Variants in PJA2 observed in about 807,000 individuals in gnomAD.
The protein encoded by PJA2 is E3 ubiquitin-protein ligase Praja-2.
In PJA2, 25 loss-of-function variants were observed where a neutral mutation model predicts 69.3. That is an observed-to-expected ratio of 0.36 (90% CI 0.26 to 0.50). The LOEUF is 0.50. Ranked by LOEUF, PJA2 falls within the 20% of genes least tolerant of loss-of-function variation. PJA2 has a pLI of 0.96. For missense variants in PJA2, 809 were observed against 830.2 expected, an observed-to-expected ratio of 0.97 and a Z score of 0.31; for synonymous variants, 308 against 277.8, an observed-to-expected ratio of 1.11 and a Z score of -1.08.
At position 109,336,550 on chromosome 5, in the gene PJA2, AT is replaced by A. The variant is rs1761948649; in HGVS notation, c.*680del. 1 of 152,090 alleles carries A rather than the reference AT, an allele frequency of 6.6e-6. No individual in the cohort carries two copies. Among genetic ancestry groups the A allele is most frequent in the Non-Finnish European group, 1.5e-5 (1 of 68,026 alleles). 9.4% of individuals were successfully genotyped at this position (152,090 alleles called of 1,614,324 possible). On this transcript the variant is annotated 3_prime_UTR_variant, in exon 10 of 10. Coordinates refer to ENST00000361189, the MANE Select transcript of PJA2 (RefSeq NM_014819.5). ...GCCCTGAGCACACTAGATTCTTTGT[AT>A]GCTTTACTAACCTTACGTTAAGCAC...
At chr5:109,363,093 A>G (rs1283067638) in intron 5 of PJA2, 71 bp from the exon 6 acceptor site, 1 of 1,318,826 alleles carries the variant, frequency 7.6e-7, no homozygotes, top group Non-Finnish European at 1.0e-6. Flanking sequence ...CTTTAATTCT[A>G]TTCCATGCAA....
At chr5:109,381,209 A>G (rs1031420082) in intron 3 of PJA2, among the ~76,000 whole-genome samples, 1 of 152,158 alleles carries the variant, frequency 6.6e-6, no homozygotes, top group East Asian at 1.9e-4. Context: ...ATTTCAAAAT[A>G]TATCTTTTTG....
At position 109,336,773 on chromosome 5, in the gene PJA2, A is replaced by G. The variant is rs747769600; in HGVS notation, c.*458T>C. 6.6e-6 allele frequency: 1 copy of G among 152,406 alleles called. No homozygotes were observed. The highest frequency in any genetic ancestry group is 1.5e-5 in the Non-Finnish European group (1 of 68,208). 9.4% of individuals were successfully genotyped at this position (152,406 alleles called of 1,614,324 possible). On this transcript the variant is annotated 3_prime_UTR_variant, in exon 10 of 10. Transcript: ENST00000361189. ...AACCAAGAGGTTATGATATAGCAAA[A>G]TCAAAGGGACTAGTGAAAAAGCATA... is the stretch of plus-strand genomic sequence containing the variant.
rs114734958 is a variant in PJA2 at position 109,334,775 on chromosome 5, G to C, written c.*2456C>G. 0.031 allele frequency: 4,651 copies of C among 152,364 alleles called. 96 individuals carry two copies. The highest frequency in any genetic ancestry group is 0.048 in the Middle Eastern group (14 of 294). 9.4% of individuals were successfully genotyped at this position (152,364 alleles called of 1,614,324 possible). A position where few individuals can be genotyped will look rare whatever the true frequency, so the allele number is the denominator to read the frequency against. ...GATTTACACAGAAAATGATGGGCTG[G>C]GGTTATAGAACAATAAACCAACCAT... is the stretch of plus-strand genomic sequence containing the variant. On this transcript the variant is annotated 3_prime_UTR_variant, in exon 10 of 10. Coordinates refer to ENST00000361189, the MANE Select transcript of PJA2 (RefSeq NM_014819.5).
At chr5:109,389,561 A>G (rs1747235738) in intron 1 of PJA2, among the ~76,000 whole-genome samples, 2 of 151,706 alleles carry the variant, frequency 1.3e-5, no homozygotes, top group South Asian at 2.1e-4. Context: ...ACAGGTTTTC[A>G]TTTTTTAAAA....
intron 5 of PJA2, among the ~76,000 whole-genome samples, chr5:109,365,331 A>C (rs1302109439): frequency 6.6e-6 from 1 of 152,230 alleles, no homozygotes; most frequent in Non-Finnish European, 1.5e-5. Flanking sequence ...AAAATGAATA[A>C]AGGAAATCTA....
Position 109,378,776 on chromosome 5 carries a change from T to C in PJA2, c.711A>G (p.Pro237=). Reference sequence around the variant, plus strand: ...TATCACCAGCAGAACTTTTCACTAATGGTACAGAATCTAACTCTTCAAACT... The same window carrying C: ...TATCACCAGCAGAACTTTTCACTAACGGTACAGAATCTAACTCTTCAAACT... ...RDEFEELDSV[P]LVKSSAGDTE... is the part of the protein sequence containing the mutation. Residue 237 remains proline, a synonymous_variant, in exon 4 of 10, where the codon CCA becomes CCG. Coordinates refer to ENST00000361189, the MANE Select transcript of PJA2 (RefSeq NM_014819.5). The C allele has an allele frequency of 1.2e-6, 2 of 1,612,570 alleles. No individual in the cohort carries two copies. Among genetic ancestry groups the C allele is most frequent in the Non-Finnish European group, 1.7e-6 (2 of 1,180,008 alleles).
At position 109,381,670 on chromosome 5, in the gene PJA2, G is replaced by A; in HGVS notation, c.65C>T (p.Pro22Leu). 2 of 1,613,784 alleles carry A rather than the reference G, an allele frequency of 1.2e-6. No individual in the cohort carries two copies. The highest frequency in any genetic ancestry group is 1.7e-6 in the Non-Finnish European group (2 of 1,179,974). Reference protein sequence around the residue: ...MDQESGKAVWPKPAGGYQTIT... With the variant: ...MDQESGKAVWLKPAGGYQTIT... ...TGTCTGATACCCTCCTGCTGGTTTG[G>A]GCCAGACAGCCTTACCAGATTCTTG... Residue 22 changes from proline to leucine, a missense_variant, in exon 3 of 10, where the codon CCC becomes CTC. Coordinates refer to ENST00000361189, the MANE Select transcript of PJA2 (RefSeq NM_014819.5).
At chr5:109,379,308 T>G in intron 3 of PJA2, 54 bp from the exon 4 acceptor site, 1 of 1,264,882 alleles carries the variant, frequency 7.9e-7, no homozygotes, top group Non-Finnish European at 1.1e-6. Context: ...AGATAAAATT[T>G]TATGTAATAA....
intron 4 of PJA2, among the ~76,000 whole-genome samples, chr5:109,373,337 C>A (rs1762708871): frequency 6.6e-6 from 1 of 152,010 alleles, no homozygotes; most frequent in East Asian, 1.9e-4. Flanking sequence ...GATGAAGTGT[C>A]AGAAATAACT....
chr5:109,368,268 G>A (rs1762618663), intron 5 of PJA2, among the ~76,000 whole-genome samples: 1 of 152,202 alleles, frequency 6.6e-6, no homozygotes, highest in South Asian at 2.1e-4. Flanking sequence ...AGCAATGACA[G>A]TGCTAATTCA....
At chr5:109,384,208 C>T (rs1747110092) in intron 1 of PJA2, among the ~76,000 whole-genome samples, 1 of 152,148 alleles carries the variant, frequency 6.6e-6, no homozygotes, top group Non-Finnish European at 1.5e-5. Flanking sequence ...CAGTAAAGTT[C>T]CTTTAGCCCT....
At chr5:109,367,465 T>C (rs1430477028) in intron 5 of PJA2, among the ~76,000 whole-genome samples, 1 of 151,620 alleles carries the variant, frequency 6.6e-6, no homozygotes, top group African/African-American at 2.4e-5. Context: ...TAGAAAAAAA[T>C]TAAATTATCA....
At chr5:109,354,627 A>C (rs1223075105) in intron 7 of PJA2, among the ~76,000 whole-genome samples, 1 of 145,118 alleles carries the variant, frequency 6.9e-6, no homozygotes, top group Non-Finnish European at 1.5e-5. Flanking sequence ...TATCGATATT[A>C]GATATATTAG....
chr5:109,342,441 C>A (rs1272649531), intron 9 of PJA2, among the ~76,000 whole-genome samples: 38 of 136,170 alleles, frequency 2.8e-4, no homozygotes, highest in African/African-American at 9.9e-4. Context: ...GTCGGCCCCC[C>A]GCCCGGCCAG....
At position 109,381,534 on chromosome 5, in the gene PJA2, T is replaced by C. The variant is rs1483038693; in HGVS notation, c.201A>G (p.Glu67=). The part of the protein sequence containing the change: ...GRAGDDYEVL[E]LDDVPKENSS... The stretch of plus-strand genomic sequence containing the variant: ...AATTTTCCTTTGGAACATCATCTAG[T>C]TCCAACACTTCATAGTCATCACCAG... The change falls in exon 3 of 10, where the codon GAA becomes GAG. Residue 67 remains glutamate (E), a synonymous_variant. Transcript: ENST00000361189. The C allele has an allele frequency of 1.2e-6, 2 of 1,613,942 alleles. No individual in the cohort carries two copies. Among genetic ancestry groups the C allele is most frequent in the African/African-American group, 1.3e-5 (1 of 74,898 alleles).
chr5:109,394,642 GCTGT>G (rs1046328215), intron 1 of PJA2, among the ~76,000 whole-genome samples: 13 of 152,100 alleles, frequency 8.5e-5, no homozygotes, highest in South Asian at 2.1e-4. Context: ...TGAAAACTAG[GCTGT>G]CTAAGACACT....
chr5:109,404,358 T>C (rs1325089397), intron 1 of PJA2, among the ~76,000 whole-genome samples: 6 of 150,720 alleles, frequency 4.0e-5, no homozygotes, highest in Non-Finnish European at 7.4e-5. Flanking sequence ...CCGTCTCTAC[T>C]AAAAATACAA....
At chr5:109,406,415 G>C (rs1283213105) in intron 1 of PJA2, among the ~76,000 whole-genome samples, 3 of 152,136 alleles carry the variant, frequency 2.0e-5, no homozygotes, top group Non-Finnish European at 2.9e-5. Context: ...ACATACACTA[G>C]AGCAAATTCT....
Sources: allele counts gnomAD v4.1 joint callset (sites outside exome capture counted in the v4.1 genomes callset), GRCh38; gene constraint gnomAD v4.1.1; transcripts MANE v1.5; gene names NCBI Gene and HGNC (gene_info 2026-07-23, HGNC 2026-07-21).